Variants in NPTN observed in about 807,000 individuals in gnomAD.
The protein encoded by NPTN is neuroplastin.
In NPTN, 5 loss-of-function variants were observed where a neutral mutation model predicts 42.7. That is an observed-to-expected ratio of 0.12 (90% CI 0.06 to 0.25). NPTN has a LOEUF of 0.25. Among genes scored for constraint, NPTN ranks in the 10% least tolerant of loss-of-function variants. The pLI is 1.00. For missense variants in NPTN, 307 were observed against 525.4 expected, an observed-to-expected ratio of 0.58 and a Z score of 4.06; for synonymous variants, 180 against 201.9, an observed-to-expected ratio of 0.89 and a Z score of 0.92.
intron 1 of NPTN, among the ~76,000 whole-genome samples, chr15:73,613,670 C>T (rs1416833123): frequency 1.3e-5 from 2 of 151,932 alleles, no homozygotes; most frequent in South Asian, 2.1e-4. Flanking sequence ...CGAAGCTACG[C>T]GGTAACAAAA....
chr15:73,571,496 G>GT (rs1360395113), intron 5 of NPTN, among the ~76,000 whole-genome samples: 4 of 152,182 alleles, frequency 2.6e-5, no homozygotes, highest in Admixed American at 1.3e-4. Flanking sequence ...GTAGGGCACA[G>GT]TGAGTGGCCA....
intron 1 of NPTN, among the ~76,000 whole-genome samples, chr15:73,617,019 C>T (rs868512981): frequency 6.6e-5 from 10 of 152,194 alleles, no homozygotes; most frequent in Non-Finnish European, 7.3e-5. Flanking sequence ...CAACATAATT[C>T]CCTTTGGTGA....
intron 4 of NPTN, among the ~76,000 whole-genome samples, chr15:73,577,859 C>G (rs937636866): frequency 2.6e-5 from 4 of 152,170 alleles, no homozygotes; most frequent in African/African-American, 7.2e-5. Context: ...AATCAGCACT[C>G]CTGGCTCACT....
intron 5 of NPTN, among the ~76,000 whole-genome samples, chr15:73,571,464 C>T (rs887396049): frequency 1.3e-5 from 2 of 152,158 alleles, no homozygotes; most frequent in South Asian, 2.1e-4. Flanking sequence ...GAAGCCCCAA[C>T]AGAGCGTGTG....
At chr15:73,579,662 GGGA>G (rs1286397791) in intron 4 of NPTN, among the ~76,000 whole-genome samples, 1 of 152,088 alleles carries the variant, frequency 6.6e-6, no homozygotes, top group Admixed American at 6.6e-5. Flanking sequence ...CTTGGTGTGT[GGGA>G]GGAGGAGAAC....
intron 6 of NPTN, among the ~76,000 whole-genome samples, chr15:73,563,773 AAG>A (rs1672818111): frequency 6.6e-6 from 1 of 152,230 alleles, no homozygotes; most frequent in Admixed American, 6.5e-5. Context: ...TAATCTTTAG[AAG>A]AGTCTTTAGT....
At chr15:73,587,473 G>T in intron 4 of NPTN, 51 bp downstream of exon 4, 1 of 1,303,714 alleles carries the variant, frequency 7.7e-7, no homozygotes, top group Non-Finnish European at 1.1e-6. Context: ...CCAAGGTACT[G>T]TCTTGGAAGG....
At chr15:73,568,805 T>C in intron 6 of NPTN, 5 of 985,450 alleles carry the variant, frequency 5.1e-6, no homozygotes, top group Non-Finnish European at 6.0e-6. Context: ...ATATTGTCAG[T>C]GTCATCAACA....
chr15:73,578,146 G>T (rs148896740), intron 4 of NPTN, among the ~76,000 whole-genome samples: 1 of 152,218 alleles, frequency 6.6e-6, no homozygotes, highest in East Asian at 1.9e-4. Context: ...CAGAGAGACT[G>T]GGGACCCAGA....
chr15:73,624,927 T>C (rs1898320003), intron 1 of NPTN, among the ~76,000 whole-genome samples: 1 of 152,192 alleles, frequency 6.6e-6, no homozygotes, highest in African/African-American at 2.4e-5. Context: ...TTTTCTAAAG[T>C]TCTAAAAGGA....
chr15:73,576,729 A>G (rs1343132218), intron 4 of NPTN, among the ~76,000 whole-genome samples: 3 of 152,228 alleles, frequency 2.0e-5, no homozygotes, highest in Non-Finnish European at 4.4e-5. Context: ...GTACAAACCC[A>G]TGGCTGGGCT....
chr15:73,598,673 G>A (rs1289077637), intron 1 of NPTN, among the ~76,000 whole-genome samples: 2 of 152,160 alleles, frequency 1.3e-5, no homozygotes, highest in African/African-American at 4.8e-5. Context: ...AACGTCCCCT[G>A]GGAGGCCTGC....
chr15:73,561,781 T>C, intron 8 of NPTN, 115 bp downstream of exon 8: 1 of 799,372 alleles, frequency 1.3e-6, no homozygotes, highest in South Asian at 1.6e-5. Flanking sequence ...TCAGCTGCTC[T>C]GAAATGAACT....
chr15:73,628,693 AC>A, intron 1 of NPTN, among the ~76,000 whole-genome samples: 1 of 152,336 alleles, frequency 6.6e-6, no homozygotes, highest in East Asian at 1.9e-4. Flanking sequence ...GTTCAAACTG[AC>A]AGAGCACTTT....
At chr15:73,598,010 C>CCT (rs1432080576) in intron 1 of NPTN, among the ~76,000 whole-genome samples, 1 of 152,172 alleles carries the variant, frequency 6.6e-6, no homozygotes, top group Non-Finnish European at 1.5e-5. Context: ...CTTCCCTGGG[C>CCT]CTATGGCAAA....
In NPTN at chr15:73,633,192, G is replaced by A; in HGVS notation, c.24C>T (p.Ser8=). The change falls in exon 1 of 9, where the codon AGC becomes AGT. Residue 8 remains serine, a synonymous_variant. Coordinates refer to ENST00000345330, the MANE Select transcript of NPTN (RefSeq NM_012428.4). The part of the protein sequence containing the change: MSGSSLP[S]ALALSLLLVS... Reference sequence around the variant, plus strand: ...CCAGCAACAGCGAGAGGGCCAGGGCGCTGGGCAGCGACGAACCCGACATCC... The same window carrying A: ...CCAGCAACAGCGAGAGGGCCAGGGCACTGGGCAGCGACGAACCCGACATCC... The A allele has an allele frequency of 6.5e-7, 1 of 1,530,066 alleles. No homozygotes were observed. 94.8% of individuals were successfully genotyped at this position (1,530,066 alleles called of 1,614,324 possible). A position where few individuals can be genotyped will look rare whatever the true frequency, so the allele number is the denominator to read the frequency against.
chr15:73,611,453 G>T (rs1897576434), intron 1 of NPTN, among the ~76,000 whole-genome samples: 1 of 152,052 alleles, frequency 6.6e-6, no homozygotes, highest in South Asian at 2.1e-4. Context: ...AAGCCAAGGA[G>T]AGACCTTAAA....
chr15:73,622,410 A>G (rs1265278941), intron 1 of NPTN, among the ~76,000 whole-genome samples: 1 of 151,998 alleles, frequency 6.6e-6, no homozygotes, highest in Admixed American at 6.6e-5. Context: ...CTTAAACGAG[A>G]AGTCCCAGAA....
intron 4 of NPTN, 140 bp from the exon 5 acceptor site, chr15:73,573,935 A>G (rs1344571734): frequency 3.6e-6 from 4 of 1,123,488 alleles, no homozygotes; most frequent in Non-Finnish European, 4.9e-6. Flanking sequence ...GATGAAGAGC[A>G]TTTCAGGTCA....
Sources: allele counts gnomAD v4.1 joint callset (sites outside exome capture counted in the v4.1 genomes callset), GRCh38; gene constraint gnomAD v4.1.1; transcripts MANE v1.5; gene names NCBI Gene and HGNC (gene_info 2026-07-23, HGNC 2026-07-21).